Variants in ZNF10 observed in about 807,000 individuals in gnomAD.
The protein encoded by ZNF10 is zinc finger protein 10 (KOX 1).
Under a neutral mutation model 12.2 loss-of-function variants are expected in ZNF10, and 8 were observed. The ratio of observed to expected loss-of-function variants is 0.66; its 90% CI spans 0.39 to 1.18. The LOEUF is 1.18. Ranked by LOEUF, ZNF10 falls within the 50% of genes most tolerant of loss-of-function variation. ZNF10 has a pLI of 0.01. For missense variants in ZNF10, 603 were observed against 678.9 expected, an observed-to-expected ratio of 0.89 and a Z score of 1.24; for synonymous variants, 229 against 228.2, an observed-to-expected ratio of 1.00 and a Z score of -0.03.
At chr12:133,144,392 C>T in intron 1 of ZNF10, 42 bp from the exon 2 acceptor site, 1 of 1,279,802 alleles carries the variant, frequency 7.8e-7, no homozygotes, top group Non-Finnish European at 1.1e-6. Context: ...GGGAGCCTCC[C>T]AGTCATAGCA....
chr12:133,154,120 G>GA (rs1023697495), intron 4 of ZNF10, among the ~76,000 whole-genome samples: 1 of 147,518 alleles, frequency 6.8e-6, no homozygotes, highest in African/African-American at 2.6e-5. Flanking sequence ...TTTTGTCGGC[G>GA]GGGGGGATAC....
intron 1 of ZNF10, among the ~76,000 whole-genome samples, chr12:133,137,496 G>A (rs986043724): frequency 1.8e-4 from 28 of 152,052 alleles, no homozygotes; most frequent in African/African-American, 6.0e-4. Flanking sequence ...CTTTGCTCAC[G>A]ATGTTCCCCA....
rs567162193 is a variant in ZNF10, at chr12:133,132,658, A to C, written c.-60+1904A>C. 6.6e-5 allele frequency among the ~76,000 whole-genome samples: 10 copies of C among 152,318 alleles called. 1 individual carries two copies. In the South Asian group the frequency reaches 1.9e-3, roughly 28 times the overall value. Reference sequence around the variant, plus strand: ...GCCAGGGCTTTTAATTCTTCTGGCTATGAAGCAAGGTTGGGACAAGATATG... The same window carrying C: ...GCCAGGGCTTTTAATTCTTCTGGCTCTGAAGCAAGGTTGGGACAAGATATG... On this transcript the variant is annotated intron_variant, in intron 1 of 4. Transcript: ENST00000248211.
At chr12:133,138,738 A>G (rs1456585197) in intron 1 of ZNF10, among the ~76,000 whole-genome samples, 9 of 152,186 alleles carry the variant, frequency 5.9e-5, no homozygotes, top group African/African-American at 1.4e-4. Context: ...TTGAAAAGCA[A>G]GCTCTATGAG....
chr12:133,137,693 A>G (rs781526680), intron 1 of ZNF10, among the ~76,000 whole-genome samples: 6 of 152,166 alleles, frequency 3.9e-5, no homozygotes, highest in Non-Finnish European at 7.3e-5. Context: ...TGCTTGAGGT[A>G]AGGGATTAAA....
At chr12:133,133,959 G>A (rs1041308887) in intron 1 of ZNF10, among the ~76,000 whole-genome samples, 1 of 152,040 alleles carries the variant, frequency 6.6e-6, no homozygotes, top group Non-Finnish European at 1.5e-5. Flanking sequence ...GATTATCCTG[G>A]ATTATTTCAG....
intron 2 of ZNF10, among the ~76,000 whole-genome samples, chr12:133,149,285 G>C (rs1477114206): frequency 6.6e-6 from 1 of 150,758 alleles, no homozygotes; most frequent in Non-Finnish European, 1.5e-5. Context: ...GTAGACACAG[G>C]ATCTCCCTAT....
chr12:133,148,750 G>GTTTTTT lies in ZNF10; in HGVS notation c.34-2278_34-2277insTTTTTT, dbSNP rs201972025. Among the ~76,000 whole-genome samples the GTTTTTT allele has an allele frequency of 1.0e-4, 14 of 137,396 alleles. 1 individual carries two copies. The highest frequency in any genetic ancestry group is 1.7e-4 in the Non-Finnish European group (11 of 63,434). 90.1% of individuals were successfully genotyped at this position (137,396 alleles called of 152,430 possible). On this transcript the variant is annotated intron_variant, in intron 2 of 4. Transcript: ENST00000248211. ...AGGTTTCTAGGTTGTATTCAATGTT[G>GTTTTTT]GTTTTTTTTTTTTTTTTTTGAGTTG...
rs776969365 is a variant in ZNF10 at position 133,144,524 on chromosome 12, G to A, written c.32G>A (p.Arg11Gln). The A allele has an allele frequency of 7.3e-5, 117 of 1,613,628 alleles. No individual in the cohort carries two copies. Among genetic ancestry groups the A allele is most frequent in the Non-Finnish European group, 9.1e-5 (107 of 1,179,820 alleles). ...GCTAAGTCACTAACTGCCTGGTCCCGGGTAAGCTGGGCTTTCTTCCCAGTT... is the reference window on the plus strand; with the variant it reads ...GCTAAGTCACTAACTGCCTGGTCCCAGGTAAGCTGGGCTTTCTTCCCAGTT... MDAKSLTAWS[R>Q]TLVTFKDVFV... The change falls in exon 2 of 5, where the codon CGG (arginine) becomes CAG (glutamine). Residue 11 changes from arginine to glutamine, a missense_variant and splice_region_variant. Coordinates refer to ENST00000248211, the MANE Select transcript of ZNF10 (RefSeq NM_015394.5).
At position 133,151,904 on chromosome 12, in the gene ZNF10, G is replaced by A. The variant is rs370302171; in HGVS notation, c.256G>A (p.Asp86Asn). 1.9e-6 allele frequency: 3 copies of A among 1,612,558 alleles called. No individual in the cohort carries two copies. The highest frequency in any genetic ancestry group is 2.5e-6 in the Non-Finnish European group (3 of 1,179,060). ...AGAAATTCACCAAGAGACCCATCCT[G>A]GTGAGGACCAGTCAAGAGTTGTCAT... Reference protein sequence around the residue: ...EREIHQETHPDSETAFEIKSS... With the variant: ...EREIHQETHPNSETAFEIKSS... Residue 86 changes from aspartate to asparagine, a missense_variant and splice_region_variant, in exon 4 of 5, where the codon GAT becomes AAT. Around this residue, in one of 3 missense-constraint regions of ZNF10, gnomAD observed 393 missense variants for 399.7 expected, o/e 0.98. Transcript: ENST00000248211.
chr12:133,157,044 T>C lies in ZNF10; in HGVS notation c.*76T>C. 1.6e-6 allele frequency: 2 copies of C among 1,275,824 alleles called. No homozygotes were observed. Among genetic ancestry groups the C allele is most frequent in the African/African-American group, 1.5e-5 (1 of 65,454 alleles). 79.0% of individuals were successfully genotyped at this position (1,275,824 alleles called of 1,614,324 possible). A position where few individuals can be genotyped will look rare whatever the true frequency, so the allele number is the denominator to read the frequency against. On this transcript the variant is annotated 3_prime_UTR_variant, in exon 5 of 5. Coordinates refer to ENST00000248211, the MANE Select transcript of ZNF10 (RefSeq NM_015394.5). ...AACTCCTGGAGATAAGCTGTACAAATTGAATCTATGTGGAAATGCTTTCAG... is the reference window on the plus strand; with the variant it reads ...AACTCCTGGAGATAAGCTGTACAAACTGAATCTATGTGGAAATGCTTTCAG...
intron 3 of ZNF10, among the ~76,000 whole-genome samples, 194 bp from the exon 4 acceptor site, chr12:133,151,615 G>T (rs975636566): frequency 6.6e-6 from 1 of 152,154 alleles, no homozygotes; most frequent in Non-Finnish European, 1.5e-5. Context: ...CTGCACTCCA[G>T]CCTGGCAACA....
At chr12:133,136,905 A>G (rs1955915408) in intron 1 of ZNF10, among the ~76,000 whole-genome samples, 1 of 152,184 alleles carries the variant, frequency 6.6e-6, no homozygotes, top group Non-Finnish European at 1.5e-5. Flanking sequence ...ACATCTGGAT[A>G]ACCCTCACAT....
intron 1 of ZNF10, among the ~76,000 whole-genome samples, chr12:133,140,226 A>T: frequency 6.7e-6 from 1 of 149,184 alleles, no homozygotes; most frequent in African/African-American, 2.5e-5. Context: ...AAAAAAAAAA[A>T]AAAAAGCCAG....
In ZNF10 at chr12:133,151,065, C is replaced by T; in HGVS notation, c.71C>T (p.Thr24Ile). ...TTCAAGGATGTATTTGTGGACTTCA[C>T]CAGGGAGGAGTGGAAGCTGCTGGAC... ...VTFKDVFVDFTREEWKLLDTA... is the reference protein window; with the variant it reads ...VTFKDVFVDFIREEWKLLDTA... Residue 24 changes from threonine (T) to isoleucine (I), a missense_variant, in exon 3 of 5, where the codon ACC becomes ATC. Physicochemically the swap from Thr to Ile is moderately conservative, Grantham distance 89. Coordinates refer to ENST00000248211, the MANE Select transcript of ZNF10 (RefSeq NM_015394.5). 1 of 1,613,366 alleles carries T rather than the reference C, an allele frequency of 6.2e-7. No homozygotes were observed. The highest frequency in any genetic ancestry group is 2.2e-5 in the East Asian group (1 of 44,858).
At chr12:133,140,808 G>T (rs1207864017) in intron 1 of ZNF10, among the ~76,000 whole-genome samples, 1 of 151,858 alleles carries the variant, frequency 6.6e-6, no homozygotes, top group Non-Finnish European at 1.5e-5. Flanking sequence ...GAAGATTTAA[G>T]GGTTTCCTTT....
At position 133,140,216 on chromosome 12, in the gene ZNF10, A is replaced by AG. The variant is rs1411674801; in HGVS notation, c.-59-4218_-59-4217insG. Among the ~76,000 whole-genome samples the AG allele has an allele frequency of 2.2e-4, 32 of 143,966 alleles. No homozygotes were observed. In the South Asian group the frequency reaches 2.3e-3, roughly 10 times the overall value. The allele number at this position is 143,966 out of a possible 152,430, so 94.4% of individuals were successfully genotyped here. ...AGACCCTGTCTCAAAAAAAAAAAAAAAAAAAAAAAAAAAAAGCCAGGTGCA... is the reference window on the plus strand; with the variant it reads ...AGACCCTGTCTCAAAAAAAAAAAAAAGAAAAAAAAAAAAAAAGCCAGGTGCA... On this transcript the variant is annotated intron_variant, in intron 1 of 4. Coordinates refer to ENST00000248211, the MANE Select transcript of ZNF10 (RefSeq NM_015394.5).
In ZNF10 at chr12:133,156,390, T is replaced by G; in HGVS notation, c.1144T>G (p.Cys382Gly). The G allele has an allele frequency of 6.2e-7, 1 of 1,614,090 alleles. No individual in the cohort carries two copies. The highest frequency in any genetic ancestry group is 8.5e-7 in the Non-Finnish European group (1 of 1,180,002). The change falls in exon 5 of 5, where the codon TGT becomes GGT. Residue 382 changes from cysteine to glycine, a missense_variant. By Grantham distance (159) the Cys-to-Gly change is radical. This residue lies in a region of ZNF10 where 204 missense variants were observed against 262.8 expected (regional missense o/e 0.78). Coordinates refer to ENST00000248211, the MANE Select transcript of ZNF10 (RefSeq NM_015394.5). Reference protein sequence around the residue: ...TGEKPYECPECGKSFRQSTHL... With the variant: ...TGEKPYECPEGGKSFRQSTHL... Reference sequence around the variant, plus strand: ...AGAGAAACCCTATGAATGTCCTGAATGTGGGAAATCTTTCAGACAGAGCAC... The same window carrying G: ...AGAGAAACCCTATGAATGTCCTGAAGGTGGGAAATCTTTCAGACAGAGCAC...
intron 2 of ZNF10, chr12:133,144,938 A>G (rs1955966971): frequency 2.3e-6 from 1 of 432,434 alleles, no homozygotes; most frequent in African/African-American, 2.1e-5. Flanking sequence ...GCTAGAGTCC[A>G]GTGGCGCGAT....
Sources: gnomAD v4.1 joint callset for allele counts (sites outside exome capture counted in the v4.1 genomes callset) on GRCh38, gnomAD v4.1.1 for gene constraint, gnomAD v4.1.1 regional missense constraint, MANE v1.5 for transcripts, NCBI Gene and HGNC (gene_info 2026-07-23, HGNC 2026-07-21) for gene names.